The following AAK1 variants were observed in gnomAD, a reference collection of about 807,000 sequenced individuals.
AAK1 encodes the protein AP2-associated protein kinase 1.
Under a neutral mutation model 116.0 loss-of-function variants are expected in AAK1, and 37 were observed. The ratio of observed to expected loss-of-function variants is 0.32; its 90% CI spans 0.25 to 0.42. AAK1 has a LOEUF of 0.42. AAK1 is among the 10% of genes least tolerant of loss of function. AAK1 has a pLI of 1.00. For synonymous variants in AAK1, 458 were observed against 439.9 expected, an observed-to-expected ratio of 1.04 and a Z score of -0.51; for missense variants, 919 against 1,170.6, an observed-to-expected ratio of 0.79 and a Z score of 3.14.
At position 69,474,477 on chromosome 2, in the gene AAK1, A is replaced by C; in HGVS notation, c.*1392T>G. 5 of 985,464 alleles carry C rather than the reference A, an allele frequency of 5.1e-6. No homozygotes were observed. The highest frequency in any genetic ancestry group is 9.4e-5 in the South Asian group (2 of 21,282). 61.0% of individuals were successfully genotyped at this position (985,464 alleles called of 1,614,324 possible). ...ATGAGGCATGTTGTCATGTTAGTGCAGGGGCCTTTATTTATTTTATGAACA... is the reference window on the plus strand; with the variant it reads ...ATGAGGCATGTTGTCATGTTAGTGCCGGGGCCTTTATTTATTTTATGAACA... On this transcript the variant is annotated 3_prime_UTR_variant, in exon 22 of 22. Coordinates refer to ENST00000409085, the MANE Select transcript of AAK1 (RefSeq NM_014911.5).
At chr2:69,573,379 T>C (rs1353498411) in intron 2 of AAK1, among the ~76,000 whole-genome samples, 3 of 152,254 alleles carry the variant, frequency 2.0e-5, no homozygotes, top group Admixed American at 2.0e-4. Flanking sequence ...GGAGGAAAAG[T>C]AGCTCTGAAG....
intron 2 of AAK1, among the ~76,000 whole-genome samples, chr2:69,581,227 C>T (rs1443174715): frequency 2.0e-5 from 3 of 152,164 alleles, no homozygotes; most frequent in African/African-American, 7.2e-5. Context: ...AATTCTCCTG[C>T]CTCAGCCTCC....
At chr2:69,559,298 A>ACACACT (rs1265191761) in intron 2 of AAK1, among the ~76,000 whole-genome samples, 12 of 78,282 alleles carry the variant, frequency 1.5e-4, no homozygotes, top group African/African-American at 3.8e-4. Flanking sequence ...ACACACACAC[A>ACACACT]CTCTCTCTCT....
Position 69,461,163 on chromosome 2 carries a change from ATACT to A in AAK1, c.*14702_*14705del, listed in dbSNP as rs1324192797. 3 of 152,284 alleles carry A rather than the reference ATACT, an allele frequency of 2.0e-5. No homozygotes were observed. The highest frequency in any genetic ancestry group is 7.2e-5 in the African/African-American group (3 of 41,460). The allele number at this position is 152,284 out of a possible 1,614,324, so 9.4% of individuals were successfully genotyped here. A position where few individuals can be genotyped will look rare whatever the true frequency, so the allele number is the denominator to read the frequency against. On this transcript the variant is annotated 3_prime_UTR_variant, in exon 22 of 22. Coordinates refer to ENST00000409085, the MANE Select transcript of AAK1 (RefSeq NM_014911.5). Reference sequence around the variant, plus strand: ...ATGTCTAAAATGTTTGGATACAGAAATACTTACCATTGTGTTACAACTGCCTACA... The same window carrying A: ...ATGTCTAAAATGTTTGGATACAGAAATACCATTGTGTTACAACTGCCTACA...
chr2:69,512,871 T>C (rs897872094), intron 13 of AAK1, among the ~76,000 whole-genome samples: 8 of 152,226 alleles, frequency 5.3e-5, no homozygotes, highest in Non-Finnish European at 7.3e-5. Context: ...TTGATCATTT[T>C]ATCACCCTGG....
At chr2:69,477,032 C>T (rs1674881838) in intron 20 of AAK1, 42 bp from the exon 21 acceptor site, 1 of 1,342,876 alleles carries the variant, frequency 7.4e-7, no homozygotes, top group African/African-American at 1.4e-5. Context: ...ACAACAGAGG[C>T]AGAGATTAGC....
Position 69,480,965 on chromosome 2 carries a change from T to C in AAK1, c.2468-4A>G. 6.3e-7 allele frequency: 1 copy of C among 1,595,652 alleles called. No individual in the cohort carries two copies. Among genetic ancestry groups the C allele is most frequent in the Non-Finnish European group, 8.5e-7 (1 of 1,171,122 alleles). On this transcript the variant is annotated splice_region_variant and splice_polypyrimidine_tract_variant and intron_variant, in intron 18 of 21. Transcript: ENST00000409085. ...TCAACAGCAACATCAGCTTTTTCTTTCGTAACAGAGCATTAAGAAGAGGAA... is the reference window on the plus strand; with the variant it reads ...TCAACAGCAACATCAGCTTTTTCTTCCGTAACAGAGCATTAAGAAGAGGAA...
chr2:69,491,578 G>C (rs1675524806), intron 17 of AAK1, among the ~76,000 whole-genome samples: 1 of 152,144 alleles, frequency 6.6e-6, no homozygotes, highest in Admixed American at 6.5e-5. Flanking sequence ...ATGGTTCTCA[G>C]TTGTGCAAAA....
intron 2 of AAK1, among the ~76,000 whole-genome samples, chr2:69,557,222 GA>G (rs1488954470): frequency 1.3e-5 from 2 of 151,204 alleles, no homozygotes; most frequent in Non-Finnish European, 2.9e-5. Flanking sequence ...GATAACAAAA[GA>G]ATAGTAATTA....
intron 5 of AAK1, among the ~76,000 whole-genome samples, chr2:69,541,030 T>A (rs953086019): frequency 6.6e-6 from 1 of 152,146 alleles, no homozygotes; most frequent in African/African-American, 2.4e-5. Flanking sequence ...TCCATTTATA[T>A]GAAATGTTCA....
At chr2:69,503,025 A>C (rs1006097883) in intron 16 of AAK1, among the ~76,000 whole-genome samples, 1 of 152,246 alleles carries the variant, frequency 6.6e-6, no homozygotes, top group Non-Finnish European at 1.5e-5. Context: ...GAGGACATTT[A>C]AAAATGAATA....
In AAK1 at chr2:69,509,312, C is replaced by T; in HGVS notation, c.1925G>A (p.Ser642Asn). ...HRRILSDVTH[S>N]AVFGVPASKS... Reference sequence around the variant, plus strand: ...GCTGGCAGGGACCCCAAAGACTGCACTGTGGGTTACGTCACTGAGAATACG... The same window carrying T: ...GCTGGCAGGGACCCCAAAGACTGCATTGTGGGTTACGTCACTGAGAATACG... The change falls in exon 14 of 22, where the codon AGT becomes AAT. Residue 642 changes from serine (S) to asparagine (N), a missense_variant. Physicochemically the swap from Ser to Asn is conservative, Grantham distance 46. This residue lies in a region of AAK1 where 125 missense variants were observed against 184.1 expected (regional missense o/e 0.68). Transcript: ENST00000409085. The T allele has an allele frequency of 1.2e-6, 2 of 1,613,904 alleles. No individual in the cohort carries two copies. Among genetic ancestry groups the T allele is most frequent in the Non-Finnish European group, 1.7e-6 (2 of 1,179,874 alleles).
chr2:69,566,574 C>T (rs750525951), intron 2 of AAK1, among the ~76,000 whole-genome samples: 1 of 152,136 alleles, frequency 6.6e-6, no homozygotes, highest in African/African-American at 2.4e-5. Flanking sequence ...CCAATCGAGG[C>T]CACAGCCCAG....
intron 5 of AAK1, among the ~76,000 whole-genome samples, chr2:69,538,358 G>C (rs929968839): frequency 6.6e-6 from 1 of 152,184 alleles, no homozygotes; most frequent in Non-Finnish European, 1.5e-5. Flanking sequence ...AAGAGGCTGG[G>C]GCCCGCTGCC....
At chr2:69,565,365 C>T (rs1468208854) in intron 2 of AAK1, among the ~76,000 whole-genome samples, 2 of 152,366 alleles carry the variant, frequency 1.3e-5, no homozygotes, top group South Asian at 2.1e-4. Context: ...AATGAAAACA[C>T]ATTTCTAAGC....
At chr2:69,492,570 T>C (rs1171734370) in intron 17 of AAK1, among the ~76,000 whole-genome samples, 1 of 130,010 alleles carries the variant, frequency 7.7e-6, no homozygotes, top group Non-Finnish European at 1.5e-5. Context: ...TCGCCCAGGA[T>C]AGAGTGGAGG....
rs769512216 is a variant in AAK1, at chr2:69,464,414, A to G, written c.*11455T>C. The G allele has an allele frequency of 2.6e-5, 4 of 152,414 alleles. No individual in the cohort carries two copies. The highest frequency in any genetic ancestry group is 6.5e-5 in the Admixed American group (1 of 15,290). 9.4% of individuals were successfully genotyped at this position (152,414 alleles called of 1,614,324 possible). A position where few individuals can be genotyped will look rare whatever the true frequency, so the allele number is the denominator to read the frequency against. On this transcript the variant is annotated 3_prime_UTR_variant, in exon 22 of 22. Transcript: ENST00000409085. ...AATCAGGTAAATATAATTTGTTAAT[A>G]GCAAAACAAGAAATTCCGGAGAGAA...
At chr2:69,576,917 A>T (rs1457075281) in intron 2 of AAK1, among the ~76,000 whole-genome samples, 1 of 152,224 alleles carries the variant, frequency 6.6e-6, no homozygotes, top group Non-Finnish European at 1.5e-5. Context: ...CATACATGCA[A>T]TATCATTCTC....
At chr2:69,612,641 T>C (rs1474755084) in intron 2 of AAK1, among the ~76,000 whole-genome samples, 2 of 152,248 alleles carry the variant, frequency 1.3e-5, no homozygotes, top group African/African-American at 4.8e-5. Flanking sequence ...GGTCCTTGCC[T>C]CCTTCACCAT....
Sources: allele counts gnomAD v4.1 joint callset (sites outside exome capture counted in the v4.1 genomes callset), GRCh38; gene constraint gnomAD v4.1.1; regional missense constraint gnomAD v4.1.1; transcripts MANE v1.5; gene names NCBI Gene and HGNC (gene_info 2026-07-23, HGNC 2026-07-21).